Variants in BCAS3 observed in about 807,000 individuals in gnomAD.
The protein encoded by BCAS3 is BCAS3 microtubule associated cell migration factor, also known as BCAS4/BCAS3 fusion.
Under a neutral mutation model 116.1 loss-of-function variants are expected in BCAS3, and 53 were observed. The observed-to-expected ratio is 0.46, with a 90% confidence interval of 0.37 to 0.57. The LOEUF is 0.57. Ranked by LOEUF, BCAS3 falls within the 20% of genes least tolerant of loss-of-function variation. BCAS3 has a pLI of 0.00. For missense variants in BCAS3, 917 were observed against 1,165.4 expected, an observed-to-expected ratio of 0.79 and a Z score of 3.10; for synonymous variants, 391 against 408.2, an observed-to-expected ratio of 0.96 and a Z score of 0.51.
rs2063691476 is a variant in BCAS3, at chr17:60,993,992, T to A, written c.1486+3757T>A. ...ACATCCACTTAGTCTACTTGAGGAC[T>A]TCTTGTGATCCATGAACAGGATAGG... is the stretch of plus-strand genomic sequence containing the variant. On this transcript the variant is annotated intron_variant, in intron 15 of 23. Transcript: ENST00000407086. The surrounding 1 kb of genome is among the most constrained non-coding windows in gnomAD (Gnocchi z 4.2). Among the ~76,000 whole-genome samples the A allele has an allele frequency of 6.6e-6, 1 of 152,170 alleles. No homozygotes were observed. Among genetic ancestry groups the A allele is most frequent in the Admixed American group, 6.5e-5 (1 of 15,274 alleles).
At chr17:61,252,719 A>C (rs2048460499) in intron 22 of BCAS3, among the ~76,000 whole-genome samples, 1 of 152,108 alleles carries the variant, frequency 6.6e-6, no homozygotes, top group Admixed American at 6.6e-5. Flanking sequence ...ATAGACAAGG[A>C]CATTGACCTG....
chr17:61,322,832 G>GAGAGAGAGAGAGAGAC (rs1568850550), intron 22 of BCAS3, among the ~76,000 whole-genome samples: 61 of 119,818 alleles, frequency 5.1e-4, no homozygotes, highest in Non-Finnish European at 8.1e-4. Flanking sequence ...GAGAGAGACA[G>GAGAGAGAGAGAGAGAC]AGAGAGAGAG....
intron 6 of BCAS3, among the ~76,000 whole-genome samples, chr17:60,751,643 A>G (rs1028247446): frequency 2.0e-5 from 3 of 151,742 alleles, no homozygotes; most frequent in Middle Eastern, 3.4e-3. Context: ...TCTGGGTTTA[A>G]GCGATTCTCC....
chr17:60,837,721 T>C (rs2051495452), intron 7 of BCAS3, among the ~76,000 whole-genome samples: 1 of 151,680 alleles, frequency 6.6e-6, no homozygotes, highest in Non-Finnish European at 1.5e-5. Flanking sequence ...TAGCACAATC[T>C]TGGCTCACTG....
At position 61,012,051 on chromosome 17, in the gene BCAS3, C is replaced by T. The variant is rs1035640039; in HGVS notation, c.1487-3700C>T. Among the ~76,000 whole-genome samples the T allele has an allele frequency of 1.3e-5, 2 of 151,932 alleles. No homozygotes were observed. The highest frequency in any genetic ancestry group is 2.4e-5 in the African/African-American group (1 of 41,386). On this transcript the variant is annotated intron_variant, in intron 15 of 23. Transcript: ENST00000407086. This position sits in a 1 kb window ranked among gnomAD's most constrained non-coding sequence, Gnocchi z 4.5. Reference sequence around the variant, plus strand: ...GCTCAAAATTTGTATACCTTTTCTCCCTTTTTAAGTTGTCCTTTAAAACAA... The same window carrying T: ...GCTCAAAATTTGTATACCTTTTCTCTCTTTTTAAGTTGTCCTTTAAAACAA...
At chr17:60,932,083 A>T (rs2059676659) in intron 13 of BCAS3, among the ~76,000 whole-genome samples, 1 of 152,172 alleles carries the variant, frequency 6.6e-6, no homozygotes, top group Admixed American at 6.5e-5. Flanking sequence ...AAAAAAAATA[A>T]AAAATAAAAT....
intron 14 of BCAS3, among the ~76,000 whole-genome samples, chr17:60,972,895 G>T (rs2062052404): frequency 1.3e-5 from 2 of 152,068 alleles, no homozygotes; most frequent in African/African-American, 4.8e-5. Flanking sequence ...AAATGGCTTG[G>T]ACTTTGGCAA....
At chr17:61,384,183 C>G (rs1296716703) in intron 23 of BCAS3, among the ~76,000 whole-genome samples, 1 of 152,224 alleles carries the variant, frequency 6.6e-6, no homozygotes, top group Non-Finnish European at 1.5e-5. Context: ...CCTGCCATGC[C>G]CCTCGGCACT....
chr17:61,306,798 GA>G (rs539841864), intron 22 of BCAS3, among the ~76,000 whole-genome samples: 1 of 149,308 alleles, frequency 6.7e-6, no homozygotes. Flanking sequence ...TGTCTCAAAA[GA>G]AAAAAAAACA....
In BCAS3 at chr17:61,200,096, C is replaced by T. The variant is rs1364523451; in HGVS notation, c.2425+115532C>T. 1.3e-5 allele frequency among the ~76,000 whole-genome samples: 2 copies of T among 152,190 alleles called. No individual in the cohort carries two copies. Among genetic ancestry groups the T allele is most frequent in the South Asian group, 2.1e-4 (1 of 4,832 alleles). On this transcript the variant is annotated intron_variant, in intron 22 of 23. Transcript: ENST00000407086. The surrounding 1 kb of genome is among the most constrained non-coding windows in gnomAD (Gnocchi z 5.1). ...GCTTGGGAAAAATTTAGCAAAACTA[C>T]AGCATCCTGTCTAAGCCAGTTTGAA...
intron 21 of BCAS3, among the ~76,000 whole-genome samples, chr17:61,079,229 A>T (rs913532301): frequency 7.2e-5 from 11 of 151,994 alleles, no homozygotes; most frequent in Non-Finnish European, 1.5e-4. Context: ...TCTTCTCTTT[A>T]AAAAAAACTC....
At chr17:60,844,230 A>G (rs756547120) in intron 7 of BCAS3, among the ~76,000 whole-genome samples, 2 of 152,202 alleles carry the variant, frequency 1.3e-5, no homozygotes, top group Non-Finnish European at 2.9e-5. Flanking sequence ...TCGGCCTCCC[A>G]AAATGCTGGG....
intron 22 of BCAS3, among the ~76,000 whole-genome samples, chr17:61,329,490 G>GCCA (rs757677995): frequency 1.3e-5 from 2 of 151,394 alleles, no homozygotes; most frequent in Non-Finnish European, 2.9e-5. Flanking sequence ...ACAGGCGCCC[G>GCCA]CCACCACGCC....
rs977451654 is a variant in BCAS3, at chr17:61,332,488, T to G, written c.2426-35839T>G. ...CTCCATATTGAAAGGAGGGAAACAA[T>G]TTGACAGCAAGAAAAGAATCTCCTA... On this transcript the variant is annotated intron_variant, in intron 22 of 23. Coordinates refer to ENST00000407086, the MANE Select transcript of BCAS3 (RefSeq NM_017679.5). The surrounding 1 kb of genome is among the most constrained non-coding windows in gnomAD (Gnocchi z 5.4). Among the ~76,000 whole-genome samples the G allele has an allele frequency of 5.3e-5, 8 of 152,156 alleles. No individual in the cohort carries two copies. Among genetic ancestry groups the G allele is most frequent in the Non-Finnish European group, 1.2e-4 (8 of 68,034 alleles).
rs771925439 is a variant in BCAS3, at chr17:61,124,266, T to C, written c.2425+39702T>C. On this transcript the variant is annotated intron_variant, in intron 22 of 23. Transcript: ENST00000407086. This position sits in a 1 kb window ranked among gnomAD's most constrained non-coding sequence, Gnocchi z 4.6. The stretch of plus-strand genomic sequence containing the variant: ...GGATTCTCCTCCACAAAATGAAACA[T>C]GAAGTGATAATACCATTAATCTATT... Among the ~76,000 whole-genome samples the C allele has an allele frequency of 2.0e-5, 3 of 152,170 alleles. No individual in the cohort carries two copies. Among genetic ancestry groups the C allele is most frequent in the Non-Finnish European group, 4.4e-5 (3 of 68,038 alleles).
chr17:60,902,783 T>C, intron 11 of BCAS3, 80 bp downstream of exon 11: 1 of 1,151,878 alleles, frequency 8.7e-7, no homozygotes, highest in South Asian at 1.3e-5. Flanking sequence ...ATATTTTCTA[T>C]TGTAATGATT....
At chr17:60,825,539 T>C in intron 7 of BCAS3, among the ~76,000 whole-genome samples, 1 of 136,390 alleles carries the variant, frequency 7.3e-6, no homozygotes, top group Non-Finnish European at 1.6e-5. Context: ...TAATAATTTA[T>C]AAATAATTAT....
At chr17:60,821,194 G>A (rs375188974) in intron 7 of BCAS3, among the ~76,000 whole-genome samples, 64 of 152,254 alleles carry the variant, frequency 4.2e-4, no homozygotes, top group African/African-American at 1.5e-3. Context: ...TGATCCACCT[G>A]CCTCAGCCTT....
At chr17:61,079,170 A>G (rs1186386103) in intron 21 of BCAS3, among the ~76,000 whole-genome samples, 1 of 152,098 alleles carries the variant, frequency 6.6e-6, no homozygotes, top group African/African-American at 2.4e-5. Context: ...TTAGGGTGCA[A>G]CAGATAATGA....
Sources: allele counts gnomAD v4.1 joint callset (sites outside exome capture counted in the v4.1 genomes callset), GRCh38; gene constraint gnomAD v4.1.1; non-coding constraint Gnocchi (gnomAD v3.1); transcripts MANE v1.5; gene names NCBI Gene and HGNC (gene_info 2026-07-23, HGNC 2026-07-21).